TNRC6A: variants seen among roughly 807,000 people sequenced by gnomAD.
TNRC6A encodes the protein trinucleotide repeat containing adaptor 6A, also known as trinucleotide repeat-containing gene 6A protein.
A neutral mutation model predicts 221.2 loss-of-function variants in TNRC6A; 44 were observed. That is an observed-to-expected ratio of 0.20 (90% CI 0.16 to 0.26). TNRC6A has a LOEUF of 0.26. Ranked by LOEUF, TNRC6A falls within the 10% of genes least tolerant of loss-of-function variation. The pLI is 1.00. For synonymous variants in TNRC6A, 847 were observed against 838.5 expected, an observed-to-expected ratio of 1.01 and a Z score of -0.18; for missense variants, 2,199 against 2,404.4, an observed-to-expected ratio of 0.91 and a Z score of 1.79.
At chr16:24,774,051 A>T (rs1208653397) in intron 4 of TNRC6A, among the ~76,000 whole-genome samples, 2 of 152,060 alleles carry the variant, frequency 1.3e-5, no homozygotes, top group Admixed American at 1.3e-4. Flanking sequence ...GAATTTTGAA[A>T]TTTTTTAAAA....
chr16:24,756,037 G>T (rs566641908), intron 3 of TNRC6A, among the ~76,000 whole-genome samples: 21 of 151,914 alleles, frequency 1.4e-4, no homozygotes, highest in African/African-American at 4.6e-4. Flanking sequence ...AGACCCAGAG[G>T]GTTTAAATGA....
intron 2 of TNRC6A, among the ~76,000 whole-genome samples, chr16:24,705,579 G>T (rs1331312475): frequency 6.6e-6 from 1 of 152,194 alleles, no homozygotes; most frequent in African/African-American, 2.4e-5. Context: ...TGATCCGCCT[G>T]CCTTGGCCTC....
At position 24,777,159 on chromosome 16, in the gene TNRC6A, T is replaced by G; in HGVS notation, c.390T>G (p.Pro130=). 6.2e-7 allele frequency: 1 copy of G among 1,614,042 alleles called. No individual in the cohort carries two copies. Among genetic ancestry groups the G allele is most frequent in the Non-Finnish European group, 8.5e-7 (1 of 1,179,996 alleles). The change falls in exon 5 of 25, where the codon CCT becomes CCG. Residue 130 remains proline (P), a synonymous_variant. Transcript: ENST00000395799. The part of the protein sequence containing the change: ...QQPQQQPQAL[P]RYPREVPPRF... ...CACAGCAGCAGCCACAGGCCTTGCC[T>G]CGGTATCCTCGTGAAGTACCTCCAC... is the stretch of plus-strand genomic sequence containing the variant.
intron 6 of TNRC6A, among the ~76,000 whole-genome samples, chr16:24,792,746 C>T (rs1301536619): frequency 1.4e-5 from 2 of 140,714 alleles, no homozygotes; most frequent in African/African-American, 2.6e-5. Flanking sequence ...AATTGTTTTT[C>T]CAGTGTAGGT....
At position 24,790,143 on chromosome 16, in the gene TNRC6A, G is replaced by A; in HGVS notation, c.1501G>A (p.Gly501Ser). 1 of 1,614,196 alleles carries A rather than the reference G, an allele frequency of 6.2e-7. No homozygotes were observed. The highest frequency in any genetic ancestry group is 2.2e-5 in the East Asian group (1 of 44,886). ...PQMQAPSGMNGTSLSHLSNGE... is the reference protein window; with the variant it reads ...PQMQAPSGMNSTSLSHLSNGE... ...GATGCAGGCTCCATCAGGTATGAATGGCACTTCCCTTTCTCACCTTAGCAA... is the reference window on the plus strand; with the variant it reads ...GATGCAGGCTCCATCAGGTATGAATAGCACTTCCCTTTCTCACCTTAGCAA... The change falls in exon 6 of 25, where the codon GGC (glycine) becomes AGC (serine). Residue 501 changes from glycine (G) to serine (S), a missense_variant. This residue lies in a region of TNRC6A where 1,405 missense variants were observed against 1,400.2 expected (regional missense o/e 1.00). Transcript: ENST00000395799.
chr16:24,741,004 C>T (rs190057668), intron 2 of TNRC6A, among the ~76,000 whole-genome samples: 405 of 152,280 alleles, frequency 2.7e-3, no homozygotes, highest in Non-Finnish European at 4.4e-3. Flanking sequence ...CTGTGTTCTG[C>T]GGCTGTGCTG....
intron 1 of TNRC6A, among the ~76,000 whole-genome samples, chr16:24,612,435 C>T (rs1238426463): frequency 2.0e-5 from 3 of 151,174 alleles, no homozygotes; most frequent in Admixed American, 2.0e-4. Flanking sequence ...CACAGTTAAC[C>T]ACCAGACAGC....
chr16:24,757,080 ATGAAG>A (rs1365340411), intron 3 of TNRC6A, among the ~76,000 whole-genome samples: 2 of 152,216 alleles, frequency 1.3e-5, no homozygotes, highest in East Asian at 1.9e-4. Flanking sequence ...CCAGAAACAA[ATGAAG>A]TGTTGTTAGC....
intron 1 of TNRC6A, among the ~76,000 whole-genome samples, chr16:24,639,253 G>A (rs1363010748): frequency 6.6e-6 from 1 of 152,148 alleles, no homozygotes. Context: ...AGGAGGCCGA[G>A]GCAGGAGAAT....
At chr16:24,649,485 T>G (rs977860864) in intron 2 of TNRC6A, among the ~76,000 whole-genome samples, 1 of 151,698 alleles carries the variant, frequency 6.6e-6, no homozygotes, top group Non-Finnish European at 1.5e-5. Flanking sequence ...ATTTTTTTAT[T>G]TTTTGTAGAG....
rs970280164 is a variant in TNRC6A, at chr16:24,818,649, C to T, written c.5029C>T (p.Arg1677Cys). 7 of 1,614,168 alleles carry T rather than the reference C, an allele frequency of 4.3e-6. No individual in the cohort carries two copies. The highest frequency in any genetic ancestry group is 3.3e-5 in the South Asian group (3 of 91,078). The change falls in exon 21 of 25, where the codon CGT becomes TGT. Residue 1677 changes from arginine to cysteine, a missense_variant. Arg to Cys is a radical substitution (Grantham distance 180). Around this residue, in one of 8 missense-constraint regions of TNRC6A, gnomAD observed 449 missense variants for 579.7 expected, o/e 0.77. Transcript: ENST00000395799. Reference protein sequence around the residue: ...LPSTSAWSSIRASNYNVPLSS... With the variant: ...LPSTSAWSSICASNYNVPLSS... ...TTCAACTAGTGCCTGGTCATCCATT[C>T]GTGCCTCCAACTACAACGTTCCCCT...
chr16:24,721,679 T>C lies in TNRC6A; in HGVS notation n.403-29047T>C, dbSNP rs145144452. Reference sequence around the variant, plus strand: ...AAAATTAGCCCGGCCTGGTGGTGCATGCCTTTGGTCCCAGCTACTCGTGAG... The same window carrying C: ...AAAATTAGCCCGGCCTGGTGGTGCACGCCTTTGGTCCCAGCTACTCGTGAG... On this transcript the variant is annotated intron_variant and non_coding_transcript_variant, in intron 2 of 2. Coordinates refer to the TNRC6A transcript ENST00000566108. Among the ~76,000 whole-genome samples the C allele has an allele frequency of 2.7e-3, 414 of 152,270 alleles. 4 individuals are homozygous for C. Among genetic ancestry groups the C allele is most frequent in the African/African-American group, 9.5e-3 (393 of 41,556 alleles).
intron 1 of TNRC6A, among the ~76,000 whole-genome samples, chr16:24,626,075 G>T (rs940816002): frequency 6.6e-6 from 1 of 152,080 alleles, no homozygotes; most frequent in Non-Finnish European, 1.5e-5. Flanking sequence ...AAGGTATATT[G>T]CATGATGCTG....
At chr16:24,802,010 A>C (rs1019156725) in intron 11 of TNRC6A, among the ~76,000 whole-genome samples, 2 of 152,218 alleles carry the variant, frequency 1.3e-5, no homozygotes, top group African/African-American at 4.8e-5. Context: ...CATTCAAGAG[A>C]GGGCTCTTAA....
chr16:24,735,683 T>C (rs1372794671), intron 2 of TNRC6A, among the ~76,000 whole-genome samples: 2 of 152,236 alleles, frequency 1.3e-5, no homozygotes, highest in Non-Finnish European at 2.9e-5. Context: ...GTAAGCTCTT[T>C]TGATTTTTGG....
intron 2 of TNRC6A, among the ~76,000 whole-genome samples, chr16:24,671,735 T>C (rs956098411): frequency 6.6e-6 from 1 of 152,116 alleles, no homozygotes; most frequent in Non-Finnish European, 1.5e-5. Flanking sequence ...TCAGGCCAGG[T>C]GCAGTGGCTC....
intron 5 of TNRC6A, among the ~76,000 whole-genome samples, chr16:24,782,147 C>T (rs932983794): frequency 3.9e-5 from 6 of 152,148 alleles, no homozygotes; most frequent in African/African-American, 1.4e-4. Context: ...ATGCCTCCCA[C>T]TTTTCCCATC....
At position 24,707,348 on chromosome 16, in the gene TNRC6A, G is replaced by GCACA. The variant is rs1491199124; in HGVS notation, n.403-43377_403-43376insACAC. On this transcript the variant is annotated intron_variant and non_coding_transcript_variant, in intron 2 of 2. Coordinates refer to the TNRC6A transcript ENST00000566108. ...AAAACAGGATGAAAGGGGAACATGG[G>GCACA]CGCACACACACACACACACACACAC... Among the ~76,000 whole-genome samples the GCACA allele has an allele frequency of 2.3e-3, 157 of 69,538 alleles. 1 individual carries two copies. The highest frequency in any genetic ancestry group is 0.016 in the Middle Eastern group (3 of 182). 45.6% of individuals were successfully genotyped at this position (69,538 alleles called of 152,430 possible).
At chr16:24,730,787 A>C (rs920531594) in intron 2 of TNRC6A, among the ~76,000 whole-genome samples, 1 of 113,668 alleles carries the variant, frequency 8.8e-6, no homozygotes, top group Non-Finnish European at 1.6e-5. Flanking sequence ...ATTCTGTTGC[A>C]TTGGACACAG....
Sources: gnomAD v4.1 joint callset for allele counts (sites outside exome capture counted in the v4.1 genomes callset) on GRCh38, gnomAD v4.1.1 for gene constraint, gnomAD v4.1.1 regional missense constraint, MANE v1.5 for transcripts, NCBI Gene and HGNC (gene_info 2026-07-23, HGNC 2026-07-21) for gene names.